Variants in SCHIP1 observed in about 807,000 individuals in gnomAD.
The protein encoded by SCHIP1 is schwannomin-interacting protein 1.
In SCHIP1, 8 loss-of-function variants were observed where a neutral mutation model predicts 29.7. That is an observed-to-expected ratio of 0.27 (90% CI 0.16 to 0.49). SCHIP1 has a LOEUF of 0.49. SCHIP1 is among the 20% of genes least tolerant of loss of function. SCHIP1 has a pLI of 0.99. For synonymous variants in SCHIP1, 76 were observed against 94.9 expected (o/e 0.80, Z 1.16); for missense variants, 193 against 294.6 (o/e 0.66, Z 2.52).
At chr3:159,840,123 C>T in exon 1 of SCHIP1, 1 of 1,532,646 alleles carries the variant, frequency 6.5e-7, no homozygotes. Context: ...TGCTCCGCGC[C>T]TGCCCTCCGC....
At position 159,872,504 on chromosome 3, in the gene SCHIP1, C is replaced by T. The variant is rs1256950747; in HGVS notation, c.149+6223C>T. Reference sequence around the variant, plus strand: ...TTGAAAATCACTGAGTCATCTGCCCCCTGTGGAGACACGGATATCTAAACA... The same window carrying T: ...TTGAAAATCACTGAGTCATCTGCCCTCTGTGGAGACACGGATATCTAAACA... On this transcript the variant is annotated intron_variant, in intron 2 of 6. Transcript: ENST00000445224. 2.6e-5 allele frequency among the ~76,000 whole-genome samples: 4 copies of T among 152,244 alleles called. No individual in the cohort carries two copies. In the East Asian group the frequency reaches 5.8e-4, roughly 22 times the overall value.
the SCHIP1 span, among the ~76,000 whole-genome samples, chr3:159,523,985 C>G: frequency 6.6e-6 from 1 of 152,202 alleles, no homozygotes; most frequent in African/African-American, 2.4e-5. Flanking sequence ...TGATTATTTC[C>G]AGCCCCCACT....
the SCHIP1 span, among the ~76,000 whole-genome samples, chr3:159,622,915 C>G: frequency 6.6e-6 from 1 of 151,742 alleles, no homozygotes; most frequent in Non-Finnish European, 1.5e-5. Context: ...AAGACTCTGT[C>G]TCAAAAAAAT....
At chr3:159,718,142 T>G in the SCHIP1 span, among the ~76,000 whole-genome samples, 2 of 152,158 alleles carry the variant, frequency 1.3e-5, no homozygotes, top group African/African-American at 4.8e-5. Context: ...CATGATTATC[T>G]CAATAGATGC....
chr3:159,615,766 G>A, the SCHIP1 span, among the ~76,000 whole-genome samples: 1 of 152,158 alleles, frequency 6.6e-6, no homozygotes, highest in Non-Finnish European at 1.5e-5. Flanking sequence ...TTTCTAATTT[G>A]GGTGAATGAC....
At chr3:159,339,789 G>T in the SCHIP1 span, among the ~76,000 whole-genome samples, 2 of 152,114 alleles carry the variant, frequency 1.3e-5, no homozygotes, top group Non-Finnish European at 2.9e-5. Flanking sequence ...CTGCCTGAGA[G>T]TGTATTTCAG....
At chr3:159,765,114 C>T in the SCHIP1 span, 2 of 1,568,726 alleles carry the variant, frequency 1.3e-6, no homozygotes, top group East Asian at 2.4e-5. Flanking sequence ...GGAACCAGGG[C>T]CAGGCGAGGA....
the SCHIP1 span, among the ~76,000 whole-genome samples, chr3:159,659,737 A>G: frequency 6.6e-6 from 1 of 152,230 alleles, no homozygotes. Context: ...TTTAAAAAAA[A>G]CCTGAGAAAG....
chr3:159,337,807 A>G, the SCHIP1 span, among the ~76,000 whole-genome samples: 1 of 152,082 alleles, frequency 6.6e-6, no homozygotes, highest in African/African-American at 2.4e-5. Flanking sequence ...GGCATGAGAT[A>G]CTCCTAAAGA....
the SCHIP1 span, among the ~76,000 whole-genome samples, chr3:159,493,295 G>A: frequency 3.9e-5 from 6 of 152,242 alleles, no homozygotes; most frequent in South Asian, 2.1e-4. Flanking sequence ...CAATTAAAAA[G>A]CACATACTGG....
At chr3:159,346,851 C>T in the SCHIP1 span, among the ~76,000 whole-genome samples, 1 of 152,072 alleles carries the variant, frequency 6.6e-6, no homozygotes, top group East Asian at 1.9e-4. Flanking sequence ...CTAGTGTTTC[C>T]TCATTAATAA....
chr3:159,439,702 A>G, the SCHIP1 span, among the ~76,000 whole-genome samples: 5 of 152,146 alleles, frequency 3.3e-5, no homozygotes, highest in African/African-American at 1.2e-4. Context: ...ATGCCTATTC[A>G]TGTCCTTTCC....
chr3:159,368,953 C>T, the SCHIP1 span, among the ~76,000 whole-genome samples: 1 of 152,146 alleles, frequency 6.6e-6, no homozygotes, highest in African/African-American at 2.4e-5. Flanking sequence ...GTCAGGACAA[C>T]CACTATTCTG....
At chr3:159,887,186 C>T (rs981125720) in intron 3 of SCHIP1, 2 of 154,150 alleles carry the variant, frequency 1.3e-5, no homozygotes, top group African/African-American at 4.8e-5. Flanking sequence ...AATATTAGCT[C>T]ATGTCTTTCC....
chr3:159,404,375 G>A, the SCHIP1 span, among the ~76,000 whole-genome samples: 11 of 152,250 alleles, frequency 7.2e-5, no homozygotes, highest in Admixed American at 5.9e-4. Context: ...TGGCATTTCT[G>A]TTCCTGCCTT....
chr3:159,894,471 T>G (rs1717862624), intron 6 of SCHIP1: 1 of 152,246 alleles, frequency 6.6e-6, no homozygotes, highest in African/African-American at 2.4e-5. Flanking sequence ...CCAGCAATTA[T>G]GTGACCTGCT....
At chr3:159,473,688 A>AAAG in the SCHIP1 span, among the ~76,000 whole-genome samples, 1 of 150,406 alleles carries the variant, frequency 6.6e-6, no homozygotes, top group South Asian at 2.1e-4. Flanking sequence ...AAAAAAAAAA[A>AAAG]AAAAAAGAAA....
the SCHIP1 span, chr3:159,273,896 A>T: frequency 1.2e-6 from 2 of 1,613,102 alleles, no homozygotes; most frequent in South Asian, 2.2e-5. Flanking sequence ...AAGTTTTACA[A>T]ATGTCTACCA....
chr3:159,400,662 A>G, the SCHIP1 span, among the ~76,000 whole-genome samples: 1 of 152,184 alleles, frequency 6.6e-6, no homozygotes, highest in Admixed American at 6.5e-5. Context: ...GCTTACCAGA[A>G]ATCCTCAGGT....
Sources: allele counts gnomAD v4.1 joint callset (sites outside exome capture counted in the v4.1 genomes callset), GRCh38; gene constraint gnomAD v4.1.1; transcripts MANE v1.5; gene names NCBI Gene and HGNC (gene_info 2026-07-23, HGNC 2026-07-21).